Variants in NSMCE2 observed in about 807,000 individuals in gnomAD.
NSMCE2 encodes E3 SUMO-protein ligase NSE2.
In NSMCE2, 24 loss-of-function variants were observed where a neutral mutation model predicts 23.8. That is an observed-to-expected ratio of 1.01 (90% CI 0.73 to 1.42). The LOEUF (loss-of-function observed/expected upper bound fraction) is 1.42, where lower values mean the gene tolerates loss of function less well. Ranked by LOEUF, NSMCE2 falls within the 40% of genes most tolerant of loss-of-function variation. The pLI, the probability that NSMCE2 is intolerant of heterozygous loss-of-function variation, is 0.00. For missense variants in NSMCE2, 284 were observed against 296.5 expected, an observed-to-expected ratio of 0.96 and a Z score of 0.31; for synonymous variants, 92 against 94.1, an observed-to-expected ratio of 0.98 and a Z score of 0.13.
chr8:125,149,180 ACCCTCCCCTGACC>A (rs1820850591), intron 3 of NSMCE2, among the ~76,000 whole-genome samples: 1 of 151,930 alleles, frequency 6.6e-6, no homozygotes, highest in Non-Finnish European at 1.5e-5. Context: ...TAAACATTAC[ACCCTCCCCTGACC>A]CCCTAACTTA....
chr8:125,113,493 A>T lies in NSMCE2; in HGVS notation c.157+11006A>T, dbSNP rs150490358. Reference sequence around the variant, plus strand: ...AGACCCTGTCTCTAAAAAATAAATAAATAAAAATATATAGTTAAATGGGTA... The same window carrying T: ...AGACCCTGTCTCTAAAAAATAAATATATAAAAATATATAGTTAAATGGGTA... On this transcript the variant is annotated intron_variant, in intron 3 of 7. Transcript: ENST00000287437. Among the ~76,000 whole-genome samples the T allele has an allele frequency of 6.6e-3, 1,009 of 152,306 alleles. 7 individuals carry two copies. The highest frequency in any genetic ancestry group is 0.023 in the African/African-American group (975 of 41,560).
At chr8:125,329,604 G>A (rs1678315294) in intron 5 of NSMCE2, among the ~76,000 whole-genome samples, 1 of 152,114 alleles carries the variant, frequency 6.6e-6, no homozygotes, top group Non-Finnish European at 1.5e-5. Flanking sequence ...AGCTTGTTCC[G>A]ATATACTGGG....
Position 125,178,923 on chromosome 8 carries a change from A to C in NSMCE2, c.265-3180A>C, listed in dbSNP as rs189795800. ...AAATGAGGTCAGTAAGTGGGCCTTA[A>C]TCCAATATGACTGATGTCCTTAAGA... On this transcript the variant is annotated intron_variant, in intron 4 of 7. Transcript: ENST00000287437. Among the ~76,000 whole-genome samples the C allele has an allele frequency of 8.2e-4, 125 of 152,284 alleles. 1 individual carries two copies. Among genetic ancestry groups the C allele is most frequent in the Admixed American group, 6.0e-3 (92 of 15,290 alleles).
At chr8:125,099,022 C>G (rs1313017209) in intron 1 of NSMCE2, among the ~76,000 whole-genome samples, 2 of 152,102 alleles carry the variant, frequency 1.3e-5, no homozygotes, top group Non-Finnish European at 2.9e-5. Context: ...CATAGTATTA[C>G]ATTCATTCCT....
At chr8:125,333,505 CTTT>C (rs71295847) in intron 5 of NSMCE2, among the ~76,000 whole-genome samples, 26 of 45,628 alleles carry the variant, frequency 5.7e-4, no homozygotes, top group Admixed American at 2.2e-3. Flanking sequence ...CCTGGTGGTT[CTTT>C]TTTTTTTTTT....
chr8:125,270,869 G>T (rs10956236), intron 5 of NSMCE2: 131,134 of 152,130 alleles, frequency 0.86, 56,586 homozygotes, highest in Middle Eastern at 0.93. Context: ...GCCACTGCAC[G>T]CCAACCAGGG....
At chr8:125,236,369 A>G (rs979698144) in intron 5 of NSMCE2, among the ~76,000 whole-genome samples, 4 of 152,092 alleles carry the variant, frequency 2.6e-5, no homozygotes, top group African/African-American at 7.2e-5. Context: ...GCAAAACTAT[A>G]TATATATATA....
intron 5 of NSMCE2, among the ~76,000 whole-genome samples, chr8:125,312,751 T>A (rs1309354540): frequency 1.3e-5 from 2 of 152,124 alleles, no homozygotes; most frequent in Non-Finnish European, 2.9e-5. Flanking sequence ...CTGTTTCAAG[T>A]GCAAGGGCCT....
chr8:125,234,607 A>G (rs1388963824), intron 5 of NSMCE2, among the ~76,000 whole-genome samples: 2 of 152,174 alleles, frequency 1.3e-5, no homozygotes, highest in Non-Finnish European at 2.9e-5. Context: ...ATTCTATACA[A>G]ACTACCCCAT....
intron 5 of NSMCE2, among the ~76,000 whole-genome samples, chr8:125,306,110 T>G (rs930539790): frequency 1.3e-5 from 2 of 152,148 alleles, no homozygotes; most frequent in African/African-American, 4.8e-5. Flanking sequence ...GGAGGATTGC[T>G]TGAGCCCAAG....
At chr8:125,319,715 T>TA (rs1020859857) in intron 5 of NSMCE2, among the ~76,000 whole-genome samples, 3 of 151,008 alleles carry the variant, frequency 2.0e-5, no homozygotes, top group Admixed American at 6.6e-5. Flanking sequence ...CAAAATGAAA[T>TA]AAAAAAAAGA....
intron 5 of NSMCE2, among the ~76,000 whole-genome samples, chr8:125,262,485 A>G (rs1826736960): frequency 6.6e-6 from 1 of 152,190 alleles, no homozygotes; most frequent in Non-Finnish European, 1.5e-5. Flanking sequence ...ACTTTCCTTT[A>G]GTTTGCCATT....
chr8:125,246,726 T>C (rs1279491624), intron 5 of NSMCE2, among the ~76,000 whole-genome samples: 1 of 152,194 alleles, frequency 6.6e-6, no homozygotes, highest in Non-Finnish European at 1.5e-5. Flanking sequence ...AGGGTATCTA[T>C]GACCAAATTA....
intron 5 of NSMCE2, among the ~76,000 whole-genome samples, chr8:125,281,830 T>G (rs551017143): frequency 1.3e-5 from 2 of 151,978 alleles, no homozygotes; most frequent in South Asian, 4.1e-4. Flanking sequence ...TCCTCCCACT[T>G]CTGCCTCCCA....
At chr8:125,100,499 T>C (rs1818138906) in intron 1 of NSMCE2, among the ~76,000 whole-genome samples, 1 of 152,094 alleles carries the variant, frequency 6.6e-6, no homozygotes, top group African/African-American at 2.4e-5. Context: ...AATTATCAGG[T>C]TTATGTTTTA....
chr8:125,241,896 C>G (rs1825778576), intron 5 of NSMCE2, among the ~76,000 whole-genome samples: 1 of 152,162 alleles, frequency 6.6e-6, no homozygotes, highest in African/African-American at 2.4e-5. Flanking sequence ...GTCCTCAAGT[C>G]TAGTGGTGTT....
chr8:125,217,992 A>G (rs1251644321), intron 5 of NSMCE2, among the ~76,000 whole-genome samples: 3 of 152,142 alleles, frequency 2.0e-5, no homozygotes, highest in East Asian at 1.9e-4. Flanking sequence ...TCTCTACGCT[A>G]TTTTAATTGT....
chr8:125,330,579 A>C (rs1829839068), intron 5 of NSMCE2, among the ~76,000 whole-genome samples: 1 of 152,116 alleles, frequency 6.6e-6, no homozygotes, highest in East Asian at 1.9e-4. Flanking sequence ...AGAAACACAG[A>C]TCTGCTCTGA....
chr8:125,284,148 C>T (rs7824458), intron 5 of NSMCE2, among the ~76,000 whole-genome samples: 4,923 of 137,956 alleles, frequency 0.036, 276 homozygotes, highest in African/African-American at 0.13. Context: ...AGCGAGACTC[C>T]GGAAAAAGAA....
Sources: allele counts gnomAD v4.1 joint callset (sites outside exome capture counted in the v4.1 genomes callset), GRCh38; gene constraint gnomAD v4.1.1; transcripts MANE v1.5; gene names NCBI Gene and HGNC (gene_info 2026-07-23, HGNC 2026-07-21).